IREB2: variants seen among roughly 807,000 people sequenced by gnomAD.
IREB2 encodes iron-responsive element-binding protein 2.
A neutral mutation model predicts 118.8 loss-of-function variants in IREB2; 39 were observed. That is an observed-to-expected ratio of 0.33 (90% CI 0.25 to 0.43). The LOEUF (loss-of-function observed/expected upper bound fraction) is 0.43. Among genes scored for constraint, IREB2 ranks in the 20% least tolerant of loss-of-function variants. The probability of loss-of-function intolerance (pLI) is 1.00; values close to 1 mark genes in which losing one functional copy is unlikely to be tolerated. For synonymous variants in IREB2, 372 were observed against 392.2 expected, an observed-to-expected ratio of 0.95 and a Z score of 0.61; for missense variants, 900 against 1,147.3, an observed-to-expected ratio of 0.78 and a Z score of 3.11.
Position 78,487,798 on chromosome 15 carries a change from T to C in IREB2, c.1775T>C (p.Val592Ala). 3 of 1,600,970 alleles carry C rather than the reference T, an allele frequency of 1.9e-6. No homozygotes were observed. The highest frequency in any genetic ancestry group is 2.6e-6 in the Non-Finnish European group (3 of 1,168,390). The change falls in exon 14 of 22, where the codon GTT becomes GCT. Residue 592 changes from valine (V) to alanine (A), a missense_variant. Coordinates refer to ENST00000258886, the MANE Select transcript of IREB2 (RefSeq NM_004136.4). ...AATACAGCACCCTTATCAGACGCAG[T>C]TTTAAATGCAGTAAAACAGGTAAAA... ...VGNTAPLSDA[V>A]LNAVKQGDLV...
intron 2 of IREB2, among the ~76,000 whole-genome samples, chr15:78,452,945 A>G (rs2051049639): frequency 6.6e-6 from 1 of 152,190 alleles, no homozygotes; most frequent in Non-Finnish European, 1.5e-5. Context: ...TCTAGTTTCT[A>G]TAGGGTAATG....
chr15:78,472,927 A>C (rs552724000), intron 7 of IREB2, among the ~76,000 whole-genome samples: 2 of 152,230 alleles, frequency 1.3e-5, no homozygotes, highest in South Asian at 4.1e-4. Context: ...CAGGGACTGG[A>C]TTCTGTTTAT....
Position 78,497,232 on chromosome 15 carries a change from C to T in IREB2, c.2702C>T (p.Ser901Phe). Residue 901 changes from serine to phenylalanine, a missense_variant, in exon 21 of 22, where the codon TCC becomes TTC. Coordinates refer to ENST00000258886, the MANE Select transcript of IREB2 (RefSeq NM_004136.4). Reference protein sequence around the residue: ...LQFLPGENADSLGLSGRETFS... With the variant: ...LQFLPGENADFLGLSGRETFS... ...TTCCTTCCAGGAGAAAATGCAGATT[C>T]CTTGGGCCTCTCCGGTAGAGAAACA... 1 of 1,613,854 alleles carries T rather than the reference C, an allele frequency of 6.2e-7. No homozygotes were observed. The highest frequency in any genetic ancestry group is 8.5e-7 in the Non-Finnish European group (1 of 1,179,740).
chr15:78,498,895 A>C lies in IREB2; in HGVS notation c.*752A>C, dbSNP rs1424835590. ...CACTGTGACTGTCTGGCAAGCCCCC[A>C]GATGGCGTTATATTAATTGGATTAG... On this transcript the variant is annotated 3_prime_UTR_variant, in exon 22 of 22. Coordinates refer to ENST00000258886, the MANE Select transcript of IREB2 (RefSeq NM_004136.4). 6.6e-6 allele frequency: 1 copy of C among 152,228 alleles called. No homozygotes were observed. Among genetic ancestry groups the C allele is most frequent in the African/African-American group, 2.4e-5 (1 of 41,466 alleles). 9.4% of individuals were successfully genotyped at this position (152,228 alleles called of 1,614,324 possible).
chr15:78,473,936 G>A (rs960408733), intron 8 of IREB2: 4 of 152,026 alleles, frequency 2.6e-5, no homozygotes, highest in African/African-American at 9.7e-5. Context: ...ACTAAGTAAT[G>A]CTTTCAAAAA....
At chr15:78,440,734 C>G (rs544858132) in intron 2 of IREB2, among the ~76,000 whole-genome samples, 15 of 152,122 alleles carry the variant, frequency 9.9e-5, no homozygotes, top group Non-Finnish European at 1.6e-4. Flanking sequence ...TAGGAATCAC[C>G]AACAGGACCC....
intron 10 of IREB2, among the ~76,000 whole-genome samples, chr15:78,482,625 C>A (rs375196872): frequency 2.6e-5 from 4 of 151,664 alleles, no homozygotes; most frequent in Non-Finnish European, 1.5e-5. Context: ...GATCACAGAG[C>A]GGGCAGGAGG....
intron 7 of IREB2, among the ~76,000 whole-genome samples, chr15:78,472,366 T>C (rs1003861097): frequency 1.3e-5 from 2 of 151,896 alleles, no homozygotes; most frequent in Non-Finnish European, 2.9e-5. Flanking sequence ...CTTTTTTTTT[T>C]CTTTTTCTTT....
upstream of IREB2, chr15:78,438,166 C>G: frequency 1.7e-6 from 1 of 583,702 alleles, no homozygotes; most frequent in Non-Finnish European, 3.2e-6. Context: ...GCGACAAATC[C>G]CGCGAGCGCA....
At position 78,478,719 on chromosome 15, in the gene IREB2, T is replaced by A. The variant is rs530600139; in HGVS notation, c.1296+322T>A. ...AGACTTGTGTCAAAAAGGAAAAAAA[T>A]AATAATAATAAATTCTAGAGTACCT... On this transcript the variant is annotated intron_variant, in intron 10 of 21. Transcript: ENST00000258886. 8.6e-5 allele frequency among the ~76,000 whole-genome samples: 13 copies of A among 151,990 alleles called. No individual in the cohort carries two copies. In the South Asian group the frequency reaches 1.5e-3, roughly 17 times the overall value.
chr15:78,475,991 T>A (rs1040324207), intron 8 of IREB2, 197 bp from the exon 9 acceptor site: 4 of 413,272 alleles, frequency 9.7e-6, no homozygotes, highest in South Asian at 6.9e-5. Context: ...AACAGTGACA[T>A]TGGACCAGTC....
chr15:78,493,758 T>A, intron 18 of IREB2, 151 bp from the exon 19 acceptor site: 1 of 600,406 alleles, frequency 1.7e-6, no homozygotes, highest in South Asian at 2.6e-5. Context: ...AGTTATAGCT[T>A]GGTGATAGGC....
In IREB2 at chr15:78,500,503, C is replaced by T. The variant is rs183947049; in HGVS notation, c.*2360C>T. On this transcript the variant is annotated 3_prime_UTR_variant, in exon 22 of 22. Coordinates refer to ENST00000258886, the MANE Select transcript of IREB2 (RefSeq NM_004136.4). ...TGTTAGTTTTTATTGTCTGTGTCTT[C>T]TTTGTTTACTATACCTTGGGTAATT... 12 of 131,220 alleles carry T rather than the reference C, an allele frequency of 9.1e-5. No individual in the cohort carries two copies. The highest frequency in any genetic ancestry group is 3.3e-4 in the African/African-American group (11 of 33,556). The allele number at this position is 131,220 out of a possible 1,614,324, so 8.1% of individuals were successfully genotyped here. A position where few individuals can be genotyped will look rare whatever the true frequency, so the allele number is the denominator to read the frequency against.
chr15:78,445,792 T>C (rs2050919306), intron 2 of IREB2, among the ~76,000 whole-genome samples: 1 of 152,102 alleles, frequency 6.6e-6, no homozygotes, highest in Admixed American at 6.5e-5. Flanking sequence ...GTTTTGTTTG[T>C]TTTGTTTTTT....
At chr15:78,438,074 G>A (rs953361173), upstream of IREB2, 5 of 489,000 alleles carry the variant, frequency 1.0e-5, no homozygotes, top group African/African-American at 3.9e-5. Flanking sequence ...GAACAGCGGC[G>A]ACGGCGCGAG....
chr15:78,478,375 C>A lies in IREB2; in HGVS notation c.1274C>A (p.Ser425Ter). The change falls in exon 10 of 22, where the codon TCA becomes TAA. Residue 425 changes from serine (S) to a stop codon, truncating the protein, a stop_gained. Transcript: ENST00000258886. LOFTEE classifies it high-confidence loss of function. Reference sequence around the variant, plus strand: ...TTGTTTCGAAATGACCAGAATTCTTCAGGAGAACCTGAATACTCCCAGGTA... The same window carrying A: ...TTGTTTCGAAATGACCAGAATTCTTAAGGAGAACCTGAATACTCCCAGGTA... Reference protein sequence around the residue: ...VKLFRNDQNSSGEPEYSQVIQ... With the variant: ...VKLFRNDQNS The A allele has an allele frequency of 6.2e-7, 1 of 1,605,400 alleles. No individual in the cohort carries two copies. Among genetic ancestry groups the A allele is most frequent in the Non-Finnish European group, 8.5e-7 (1 of 1,172,124 alleles).
chr15:78,463,477 A>G (rs2051230229), intron 3 of IREB2, among the ~76,000 whole-genome samples: 1 of 151,858 alleles, frequency 6.6e-6, no homozygotes, highest in Non-Finnish European at 1.5e-5. Flanking sequence ...CAGACTTCCT[A>G]ATGGATGGCT....
chr15:78,438,264 C>A lies in IREB2; in HGVS notation c.-74C>A. The A allele has an allele frequency of 8.4e-7, 1 of 1,188,930 alleles. No homozygotes were observed. Among genetic ancestry groups the A allele is most frequent in the South Asian group, 1.3e-5 (1 of 76,888 alleles). The allele number at this position is 1,188,930 out of a possible 1,614,324, so 73.6% of individuals were successfully genotyped here. A position where few individuals can be genotyped will look rare whatever the true frequency, so the allele number is the denominator to read the frequency against. On this transcript the variant is annotated 5_prime_UTR_variant, in exon 1 of 22. Transcript: ENST00000258886. ...CTTGCCAGTCCGCCTGTCTTCCTCC[C>A]CGTCTTCCCTGCCCGGCCTCCCCCT... is the stretch of plus-strand genomic sequence containing the variant.
intron 2 of IREB2, among the ~76,000 whole-genome samples, chr15:78,450,439 A>G (rs566043704): frequency 3.9e-5 from 6 of 152,368 alleles, no homozygotes; most frequent in South Asian, 2.1e-4. Flanking sequence ...TGGCCCACAG[A>G]TAACAGAGAA....
Sources: allele counts gnomAD v4.1 joint callset (sites outside exome capture counted in the v4.1 genomes callset), GRCh38; gene constraint gnomAD v4.1.1; transcripts MANE v1.5; gene names NCBI Gene and HGNC (gene_info 2026-07-23, HGNC 2026-07-21).